The following GALNT16 variants were observed in gnomAD, a reference collection of about 807,000 sequenced individuals.
The protein encoded by GALNT16 is UDP-GalNAc:polypeptide N-acetylgalactosaminyltransferase-like protein 1.
In GALNT16, 40 loss-of-function variants were observed where a neutral mutation model predicts 76.1. That is an observed-to-expected ratio of 0.53 (90% CI 0.41 to 0.68). The LOEUF is 0.68. Among genes scored for constraint, GALNT16 ranks in the 30% least tolerant of loss-of-function variants. The pLI is 0.00. For missense variants in GALNT16, 621 were observed against 731.9 expected, an observed-to-expected ratio of 0.85 and a Z score of 1.75; for synonymous variants, 276 against 285.2, an observed-to-expected ratio of 0.97 and a Z score of 0.32.
At position 69,339,573 on chromosome 14, in the gene GALNT16, T is replaced by A; in HGVS notation, c.1141T>A (p.Tyr381Asn). 6.2e-7 allele frequency: 1 copy of A among 1,613,248 alleles called. No individual in the cohort carries two copies. Among genetic ancestry groups the A allele is most frequent in the Non-Finnish European group, 8.5e-7 (1 of 1,179,408 alleles). ...AEVWMDEYKQ[Y>N]YYEARPSAIG... ...AGTGTGGATGGATGAATACAAGCAA[T>A]ACTACTATGAGGCCCGGCCCTCGGC... The change falls in exon 11 of 15, where the codon TAC (tyrosine) becomes AAC (asparagine). Residue 381 changes from tyrosine to asparagine, a missense_variant. By Grantham distance (143) the Tyr-to-Asn change is moderately radical. Coordinates refer to ENST00000448469, the MANE Select transcript of GALNT16 (RefSeq NM_001168368.2).
Position 69,260,181 on chromosome 14 carries a change from T to G in GALNT16, c.-110T>G, listed in dbSNP as rs569692990. On this transcript the variant is annotated 5_prime_UTR_variant, in exon 1 of 15. Transcript: ENST00000448469. ...CTCTCCTTTTTCTGCTCTGCAGGAC[T>G]GAGCAGCTAGGCGCGAGCGAAAACA... The G allele has an allele frequency of 1.5e-5, 6 of 399,114 alleles. No individual in the cohort carries two copies. Among genetic ancestry groups the G allele is most frequent in the Non-Finnish European group, 2.9e-5 (6 of 207,502 alleles). The allele number at this position is 399,114 out of a possible 1,614,324, so 24.7% of individuals were successfully genotyped here. A position where few individuals can be genotyped will look rare whatever the true frequency, so the allele number is the denominator to read the frequency against.
At chr14:69,320,643 G>T in intron 1 of GALNT16, 68 bp from the exon 2 acceptor site, 1 of 1,494,318 alleles carries the variant, frequency 6.7e-7, no homozygotes, top group South Asian at 1.2e-5. Flanking sequence ...CCTGGTGTGT[G>T]CTGAGCACTC....
At chr14:69,356,370 C>T (rs1470323761), downstream of GALNT16, 2 of 152,256 alleles carry the variant, frequency 1.3e-5, no homozygotes, top group Non-Finnish European at 2.9e-5. Flanking sequence ...CGCAGTGGCT[C>T]ACACCTGTAA....
chr14:69,352,094 C>G lies in GALNT16; in HGVS notation c.1603C>G (p.Pro535Ala). 4 of 1,614,012 alleles carry G rather than the reference C, an allele frequency of 2.5e-6. No individual in the cohort carries two copies. Among genetic ancestry groups the G allele is most frequent in the South Asian group, 1.1e-5 (1 of 91,044 alleles). Reference sequence around the variant, plus strand: ...CAGTGGCCTCTGCCTGGAGACAAAGCCTGCCCAGCTGGTGACCAGCAAGTG... The same window carrying G: ...CAGTGGCCTCTGCCTGGAGACAAAGGCTGCCCAGCTGGTGACCAGCAAGTG... ...SVSGLCLETK[P>A]AQLVTSKCQA... The change falls in exon 15 of 15, where the codon CCT (proline) becomes GCT (alanine). Residue 535 changes from proline (P) to alanine (A), a missense_variant. Coordinates refer to ENST00000448469, the MANE Select transcript of GALNT16 (RefSeq NM_001168368.2).
At chr14:69,303,662 T>A (rs1214516846) in intron 1 of GALNT16, among the ~76,000 whole-genome samples, 1 of 152,150 alleles carries the variant, frequency 6.6e-6, no homozygotes, top group Non-Finnish European at 1.5e-5. Context: ...CTTCCCATCC[T>A]AACAAATCAC....
At chr14:69,323,725 G>C (rs781323158) in intron 2 of GALNT16, among the ~76,000 whole-genome samples, 2 of 152,188 alleles carry the variant, frequency 1.3e-5, no homozygotes, top group East Asian at 1.9e-4. Context: ...TTTCCCCCAG[G>C]GGGGTCCCAG....
chr14:69,375,877 G>A, the GALNT16 span, among the ~76,000 whole-genome samples: 1 of 152,308 alleles, frequency 6.6e-6, no homozygotes, highest in Non-Finnish European at 1.5e-5. Flanking sequence ...GGCATCAAGT[G>A]ATCCTCCTGC....
intron 1 of GALNT16, among the ~76,000 whole-genome samples, chr14:69,310,288 G>GTT (rs139496557): frequency 1.5e-4 from 23 of 150,944 alleles, no homozygotes; most frequent in South Asian, 4.2e-4. Flanking sequence ...CTGGTAGGTA[G>GTT]TTTTTTTTTC....
intron 1 of GALNT16, among the ~76,000 whole-genome samples, chr14:69,298,000 G>A (rs142723432): frequency 1.2e-4 from 18 of 152,328 alleles, no homozygotes; most frequent in African/African-American, 4.1e-4. Flanking sequence ...GCTCAGAGAG[G>A]TTAAGTAATT....
the GALNT16 span, among the ~76,000 whole-genome samples, chr14:69,363,970 G>A: frequency 1.7e-4 from 26 of 152,294 alleles, no homozygotes; most frequent in South Asian, 4.4e-3. Context: ...TTCCCTGAGT[G>A]CCTGTACTTC....
intron 1 of GALNT16, among the ~76,000 whole-genome samples, chr14:69,296,830 T>C (rs1206795199): frequency 6.6e-6 from 1 of 152,026 alleles, no homozygotes; most frequent in Non-Finnish European, 1.5e-5. Context: ...GATAGATAGA[T>C]AGATAGATAG....
chr14:69,287,415 A>G (rs150610607), intron 1 of GALNT16, among the ~76,000 whole-genome samples: 2 of 152,332 alleles, frequency 1.3e-5, no homozygotes, highest in African/African-American at 4.8e-5. Flanking sequence ...GCAAGAAAGA[A>G]GTGTTTATCT....
intron 1 of GALNT16, among the ~76,000 whole-genome samples, chr14:69,286,491 A>G (rs1312193328): frequency 2.0e-5 from 3 of 152,106 alleles, no homozygotes; most frequent in East Asian, 3.9e-4. Context: ...TTTAGTAGAG[A>G]TGGGGTTTCA....
chr14:69,378,203 T>C, the GALNT16 span, among the ~76,000 whole-genome samples: 638 of 152,326 alleles, frequency 4.2e-3, 6 homozygotes, highest in African/African-American at 0.015. Context: ...AGTGAGATCG[T>C]TGAACTCTTT....
chr14:69,321,299 A>G (rs566818806), intron 2 of GALNT16, among the ~76,000 whole-genome samples: 2 of 152,244 alleles, frequency 1.3e-5, no homozygotes, highest in South Asian at 4.2e-4. Context: ...CCTCCTCAGC[A>G]ACTCCCAGAA....
intron 12 of GALNT16, among the ~76,000 whole-genome samples, chr14:69,343,564 T>G (rs1383699498): frequency 2.0e-5 from 3 of 152,234 alleles, no homozygotes; most frequent in Non-Finnish European, 2.9e-5. Context: ...AAAATGCAAC[T>G]TCCTGAAGTG....
intron 1 of GALNT16, among the ~76,000 whole-genome samples, chr14:69,288,805 G>T (rs1348004785): frequency 6.6e-6 from 1 of 152,140 alleles, no homozygotes; most frequent in Non-Finnish European, 1.5e-5. Context: ...GAGAATGAGA[G>T]AACCCACATG....
chr14:69,335,472 A>G (rs561929558), intron 9 of GALNT16, among the ~76,000 whole-genome samples: 2 of 152,340 alleles, frequency 1.3e-5, no homozygotes, highest in African/African-American at 4.8e-5. Context: ...AGACTTGGAA[A>G]GCTGGGAAAC....
chr14:69,296,794 GAC>G (rs1250281802), intron 1 of GALNT16, among the ~76,000 whole-genome samples: 8 of 136,400 alleles, frequency 5.9e-5, no homozygotes, highest in African/African-American at 2.6e-4. Flanking sequence ...GAGATAGACA[GAC>G]AGATAGAGCT....
Sources: allele counts gnomAD v4.1 joint callset (sites outside exome capture counted in the v4.1 genomes callset), GRCh38; gene constraint gnomAD v4.1.1; transcripts MANE v1.5; gene names NCBI Gene and HGNC (gene_info 2026-07-23, HGNC 2026-07-21).